Variants in UTRN observed in about 807,000 individuals in gnomAD.
UTRN encodes utrophin.
Under a neutral mutation model 463.9 loss-of-function variants are expected in UTRN, and 283 were observed. The ratio of observed to expected loss-of-function variants is 0.61; its 90% confidence interval spans 0.55 to 0.67. The LOEUF (loss-of-function observed/expected upper bound fraction) is 0.67, where lower values mean the gene tolerates loss of function less well. UTRN is among the 30% of genes least tolerant of loss of function. The pLI is 0.00. For synonymous variants in UTRN, 1,442 were observed against 1,431.5 expected (o/e 1.01, Z -0.17); for missense variants, 3,922 against 4,084.3 (o/e 0.96, Z 1.08).
At chr6:144,433,097 A>T (rs1786046683) in intron 9 of UTRN, among the ~76,000 whole-genome samples, 1 of 152,212 alleles carries the variant, frequency 6.6e-6, no homozygotes, top group African/African-American at 2.4e-5. Context: ...TTCTACACAG[A>T]CACGGCAACC....
chr6:144,319,256 G>A (rs945939700), intron 2 of UTRN, among the ~76,000 whole-genome samples: 2 of 151,752 alleles, frequency 1.3e-5, no homozygotes, highest in Non-Finnish European at 2.9e-5. Context: ...CTGTTAAGTT[G>A]TGGGTCTGAC....
chr6:144,501,480 A>C (rs1305736540), intron 34 of UTRN, among the ~76,000 whole-genome samples: 1 of 152,222 alleles, frequency 6.6e-6, no homozygotes, highest in Non-Finnish European at 1.5e-5. Context: ...CGATGTGCAC[A>C]TGCAAAAGCA....
chr6:144,324,962 C>T (rs958767627), intron 2 of UTRN, among the ~76,000 whole-genome samples: 1 of 152,162 alleles, frequency 6.6e-6, no homozygotes, highest in Non-Finnish European at 1.5e-5. Flanking sequence ...GGTTGAGAAT[C>T]TTTAAACAGC....
intron 51 of UTRN, among the ~76,000 whole-genome samples, chr6:144,670,615 G>T (rs978511158): frequency 6.6e-6 from 1 of 151,950 alleles, no homozygotes; most frequent in African/African-American, 2.4e-5. Context: ...TGTTTCTTTT[G>T]CTGTGTAGAA....
intron 72 of UTRN, among the ~76,000 whole-genome samples, chr6:144,840,081 G>A (rs867639569): frequency 2.0e-5 from 3 of 151,974 alleles, no homozygotes; most frequent in African/African-American, 4.8e-5. Flanking sequence ...CCAGCTACTC[G>A]GGAGGCTGAG....
intron 45 of UTRN, among the ~76,000 whole-genome samples, chr6:144,542,140 C>T (rs1284546624): frequency 1.3e-5 from 2 of 152,074 alleles, no homozygotes; most frequent in Non-Finnish European, 2.9e-5. Context: ...ATTGCTATAG[C>T]TTCACTACGG....
At chr6:144,342,976 TAG>T (rs112707195) in intron 2 of UTRN, among the ~76,000 whole-genome samples, 9,851 of 150,004 alleles carry the variant, frequency 0.066, 1,016 homozygotes, top group African/African-American at 0.22. Flanking sequence ...GACTGAGGCT[TAG>T]AGAGAGAGAG....
At chr6:144,425,237 GGTT>G (rs1785190193) in intron 6 of UTRN, among the ~76,000 whole-genome samples, 1 of 152,098 alleles carries the variant, frequency 6.6e-6, no homozygotes, top group African/African-American at 2.4e-5. Flanking sequence ...ATTAAGTTCA[GGTT>G]GTTCACTTTT....
chr6:144,439,512 A>T (rs1207304014), intron 12 of UTRN, among the ~76,000 whole-genome samples: 8 of 145,696 alleles, frequency 5.5e-5, no homozygotes, highest in East Asian at 1.9e-4. Flanking sequence ...CTTTTTTTTG[A>T]GATGGAGTCT....
At chr6:144,701,347 A>G (rs941034345) in intron 53 of UTRN, among the ~76,000 whole-genome samples, 3 of 151,960 alleles carry the variant, frequency 2.0e-5, no homozygotes, top group African/African-American at 4.8e-5. Context: ...ATGCAGATGA[A>G]GACCATACTA....
intron 1 of UTRN, among the ~76,000 whole-genome samples, chr6:144,288,990 T>C (rs1009050906): frequency 6.6e-6 from 1 of 152,114 alleles, no homozygotes; most frequent in Non-Finnish European, 1.5e-5. Context: ...TCTCAAACTC[T>C]TGACCTCAAG....
intron 13 of UTRN, among the ~76,000 whole-genome samples, chr6:144,441,368 A>AAGGG (rs1468517371): frequency 2.6e-5 from 4 of 152,166 alleles, no homozygotes; most frequent in Non-Finnish European, 5.9e-5. Flanking sequence ...GCCAAAACAA[A>AAGGG]AGGGCTACAG....
chr6:144,548,584 C>A lies in UTRN; in HGVS notation c.6596-56C>A, dbSNP rs985343202. Reference sequence around the variant, plus strand: ...ACATACACGTGTCACCATGACACCACCATAATTAAAACATCCTGTTGATTA... The same window carrying A: ...ACATACACGTGTCACCATGACACCAACATAATTAAAACATCCTGTTGATTA... On this transcript the variant is annotated intron_variant, in intron 46 of 74. Transcript: ENST00000367545. 7.8e-6 allele frequency: 12 copies of A among 1,533,586 alleles called. No individual in the cohort carries two copies. The African/African-American group carries it at 1.5e-4, about 19-fold the overall frequency. The allele number at this position is 1,533,586 out of a possible 1,614,324, so 95.0% of individuals were successfully genotyped here. A position where few individuals can be genotyped will look rare whatever the true frequency, so the allele number is the denominator to read the frequency against.
intron 23 of UTRN, among the ~76,000 whole-genome samples, chr6:144,466,889 AG>A (rs1228067833): frequency 6.6e-6 from 1 of 152,144 alleles, no homozygotes; most frequent in African/African-American, 2.4e-5. Context: ...CTCCTCCTCC[AG>A]GCCCTTCCTT....
chr6:144,418,218 C>CTTT (rs36107882), intron 3 of UTRN, among the ~76,000 whole-genome samples: 21 of 139,598 alleles, frequency 1.5e-4, no homozygotes, highest in African/African-American at 5.6e-4. Flanking sequence ...ATTTATATTT[C>CTTT]TTTTTTTTTT....
intron 65 of UTRN, among the ~76,000 whole-genome samples, chr6:144,804,358 G>T (rs1437664452): frequency 2.0e-5 from 3 of 152,118 alleles, no homozygotes; most frequent in African/African-American, 7.2e-5. Context: ...AAATTTGTGA[G>T]ACATCATTTA....
At chr6:144,404,170 G>A (rs759904113) in intron 3 of UTRN, among the ~76,000 whole-genome samples, 3 of 152,272 alleles carry the variant, frequency 2.0e-5, no homozygotes, top group East Asian at 1.9e-4. Context: ...TGGGCTTTGC[G>A]AGTTTATCTT....
chr6:144,535,081 G>A (rs1461973186), intron 43 of UTRN, among the ~76,000 whole-genome samples: 1 of 152,100 alleles, frequency 6.6e-6, no homozygotes, highest in Non-Finnish European at 1.5e-5. Context: ...TTATCTCCTA[G>A]ACCTTTATTG....
intron 2 of UTRN, among the ~76,000 whole-genome samples, chr6:144,322,332 C>T (rs1775709872): frequency 6.8e-6 from 1 of 147,428 alleles, no homozygotes; most frequent in Non-Finnish European, 1.5e-5. Context: ...TGCAGTGTGT[C>T]CTGCACTGGT....
Sources: allele counts gnomAD v4.1 joint callset (sites outside exome capture counted in the v4.1 genomes callset), GRCh38; gene constraint gnomAD v4.1.1; transcripts MANE v1.5; gene names NCBI Gene and HGNC (gene_info 2026-07-23, HGNC 2026-07-21).